The following EIF4G3 variants were observed in gnomAD, a reference collection of about 807,000 sequenced individuals.
EIF4G3 encodes eukaryotic translation initiation factor 4 gamma 3.
EIF4G3 carries 34 observed loss-of-function variants against 186.4 expected under a neutral mutation model. The observed-to-expected ratio is 0.18, with a 90% CI of 0.14 to 0.24. The LOEUF (loss-of-function observed/expected upper bound fraction) is 0.24. EIF4G3 is among the 10% of genes least tolerant of loss of function. The pLI, the probability that EIF4G3 is intolerant of heterozygous loss-of-function variation, is 1.00. For missense variants in EIF4G3, 1,536 were observed against 1,948.5 expected (o/e 0.79, Z 3.99); for synonymous variants, 673 against 679.5 (o/e 0.99, Z 0.15).
intron 7 of EIF4G3, among the ~76,000 whole-genome samples, chr1:20,990,654 G>A (rs1316790636): frequency 6.6e-6 from 1 of 152,160 alleles, no homozygotes; most frequent in Non-Finnish European, 1.5e-5. Flanking sequence ...GGGCGACAGA[G>A]CAAGACTCCA....
intron 4 of EIF4G3, among the ~76,000 whole-genome samples, chr1:21,023,249 TCC>T (rs1203366448): frequency 1.8e-4 from 4 of 22,330 alleles, no homozygotes; most frequent in African/African-American, 2.0e-4. Flanking sequence ...CCCCTCCCCC[TCC>T]CCCCCTCCCC....
At chr1:20,842,987 G>C (rs1357679101) in intron 29 of EIF4G3, among the ~76,000 whole-genome samples, 2 of 151,824 alleles carry the variant, frequency 1.3e-5, no homozygotes, top group Non-Finnish European at 2.9e-5. Flanking sequence ...TGGGACCACA[G>C]GCATGCCACC....
chr1:21,010,369 G>T (rs192829697), intron 4 of EIF4G3, among the ~76,000 whole-genome samples: 172 of 143,976 alleles, frequency 1.2e-3, no homozygotes, highest in Admixed American at 4.1e-3. Flanking sequence ...GCAGTAAGCT[G>T]AGATAGTGCC....
chr1:21,173,121 G>A (rs1254407357), intron 2 of EIF4G3, among the ~76,000 whole-genome samples: 2 of 110,252 alleles, frequency 1.8e-5, no homozygotes, highest in African/African-American at 7.0e-5. Flanking sequence ...CCTGGCAACA[G>A]AGCGAGACTC....
chr1:21,008,982 A>G (rs1425104541), intron 4 of EIF4G3, among the ~76,000 whole-genome samples: 1 of 152,222 alleles, frequency 6.6e-6, no homozygotes, highest in Non-Finnish European at 1.5e-5. Flanking sequence ...GAAATTGTAA[A>G]GGGGCTAGAT....
intron 2 of EIF4G3, among the ~76,000 whole-genome samples, chr1:21,115,082 T>C (rs941429412): frequency 6.6e-6 from 1 of 152,150 alleles, no homozygotes; most frequent in Non-Finnish European, 1.5e-5. Context: ...GGGCAAAAAA[T>C]ATCTTAGTAT....
intron 3 of EIF4G3, among the ~76,000 whole-genome samples, chr1:21,069,036 G>A (rs1277968862): frequency 6.6e-6 from 1 of 152,146 alleles, no homozygotes; most frequent in Admixed American, 6.5e-5. Context: ...CTGTTCTGTT[G>A]AGTTTTTCAC....
rs776834024 is a variant in EIF4G3 at position 21,050,847 on chromosome 1, T to C, written c.-67+19A>G. ...TTTACAGGGACATTTCTTATTTTTT[T>C]AAAAAAGGTTTATCTTACTTGAGAG... On this transcript the variant is annotated intron_variant, in intron 4 of 36. Coordinates refer to ENST00000602326, the MANE Select transcript of EIF4G3 (RefSeq NM_001391906.1). The C allele has an allele frequency of 2.9e-6, 2 of 690,372 alleles. No homozygotes were observed. The highest frequency in any genetic ancestry group is 3.6e-5 in the African/African-American group (2 of 55,166). 42.8% of individuals were successfully genotyped at this position (690,372 alleles called of 1,614,324 possible).
intron 2 of EIF4G3, among the ~76,000 whole-genome samples, chr1:21,131,589 G>A (rs547058202): frequency 7.2e-5 from 11 of 152,000 alleles, no homozygotes; most frequent in African/African-American, 2.7e-4. Context: ...GCAAGAAGAA[G>A]AAAACAAAAA....
chr1:20,853,759 G>C, intron 26 of EIF4G3, 82 bp from the exon 27 acceptor site: 1 of 970,394 alleles, frequency 1.0e-6, no homozygotes, highest in South Asian at 1.4e-5. Context: ...CCCTAGGTGA[G>C]GCCTGAGACC....
intron 4 of EIF4G3, among the ~76,000 whole-genome samples, chr1:21,028,971 C>A (rs1357078614): frequency 6.6e-6 from 1 of 152,200 alleles, no homozygotes; most frequent in Non-Finnish European, 1.5e-5. Flanking sequence ...CCTCTCACTC[C>A]TGGATGCCGC....
chr1:21,053,262 T>C (rs1195433899), intron 3 of EIF4G3, among the ~76,000 whole-genome samples: 2 of 143,532 alleles, frequency 1.4e-5, no homozygotes, highest in Non-Finnish European at 1.5e-5. Context: ...ACCCTCTGCC[T>C]GGCAACCGCC....
At chr1:20,855,259 A>C (rs905420538) in intron 25 of EIF4G3, among the ~76,000 whole-genome samples, 188 bp from the exon 26 acceptor site, 1 of 152,228 alleles carries the variant, frequency 6.6e-6, no homozygotes, top group African/African-American at 2.4e-5. Flanking sequence ...CCCCTGAAGC[A>C]CTTCCCTGGA....
Position 20,941,661 on chromosome 1 carries a change from G to T in EIF4G3, c.1493C>A (p.Pro498Gln). The T allele has an allele frequency of 6.2e-7, 1 of 1,613,840 alleles. No homozygotes were observed. Among genetic ancestry groups the T allele is most frequent in the Non-Finnish European group, 8.5e-7 (1 of 1,179,938 alleles). Residue 498 changes from proline (P) to glutamine (Q), a missense_variant, in exon 14 of 37, where the codon CCG (proline) becomes CAG (glutamine). Physicochemically the swap from Pro to Gln is moderately conservative, Grantham distance 76 (BLOSUM62 -1). Coordinates refer to ENST00000602326, the MANE Select transcript of EIF4G3 (RefSeq NM_001391906.1). The stretch of plus-strand genomic sequence containing the variant: ...TCTCTGGACTGTGATGGCAGCACTC[G>T]GAGAACTAACAGTAGTGGCAGCAGC... ...VPAAATTVSSPSAAITVQRVL... is the reference protein window; with the variant it reads ...VPAAATTVSSQSAAITVQRVL...
intron 4 of EIF4G3, among the ~76,000 whole-genome samples, chr1:21,019,382 T>C (rs527453984): frequency 2.0e-5 from 3 of 152,326 alleles, no homozygotes; most frequent in African/African-American, 7.2e-5. Context: ...GTAGAGCTGT[T>C]TAAACAATGA....
intron 20 of EIF4G3, among the ~76,000 whole-genome samples, chr1:20,867,307 C>T (rs1053033779): frequency 7.2e-5 from 11 of 152,246 alleles, no homozygotes; most frequent in African/African-American, 2.6e-4. Context: ...AACTGAATCC[C>T]AGCTCTTTAA....
intron 2 of EIF4G3, among the ~76,000 whole-genome samples, chr1:21,153,822 C>T (rs1220499370): frequency 6.6e-6 from 1 of 152,106 alleles, no homozygotes; most frequent in Non-Finnish European, 1.5e-5. Flanking sequence ...TCCTTGGCCT[C>T]CCAAAGTGCT....
intron 2 of EIF4G3, among the ~76,000 whole-genome samples, chr1:21,143,101 TAG>T (rs2102684890): frequency 6.6e-6 from 1 of 151,848 alleles, no homozygotes; most frequent in Admixed American, 6.6e-5. Context: ...ATACAAAAAT[TAG>T]CTAGGTGTGG....
chr1:20,932,938 AG>A (rs1417697651), intron 14 of EIF4G3, among the ~76,000 whole-genome samples: 1 of 152,196 alleles, frequency 6.6e-6, no homozygotes, highest in Non-Finnish European at 1.5e-5. Context: ...CACAATAAAG[AG>A]AAGTGCAATA....
Sources: allele counts gnomAD v4.1 joint callset (sites outside exome capture counted in the v4.1 genomes callset), GRCh38; gene constraint gnomAD v4.1.1; transcripts MANE v1.5; gene names NCBI Gene and HGNC (gene_info 2026-07-23, HGNC 2026-07-21).